Variants in VTI1A observed in about 807,000 individuals in gnomAD.
VTI1A encodes vesicle transport through interaction with t-SNAREs homolog 1A.
Under a neutral mutation model 34.9 loss-of-function variants are expected in VTI1A, and 22 were observed. That is an observed-to-expected ratio of 0.63 (90% confidence interval 0.45 to 0.90). The LOEUF (loss-of-function observed/expected upper bound fraction) is 0.90. Ranked by LOEUF, VTI1A falls within the 40% of genes least tolerant of loss-of-function variation. VTI1A has a pLI of 0.00. For missense variants in VTI1A, 268 were observed against 275.6 expected, an observed-to-expected ratio of 0.97 and a Z score of 0.20; for synonymous variants, 87 against 97.3, an observed-to-expected ratio of 0.89 and a Z score of 0.62.
At chr10:112,783,229 T>C (rs1043353777) in intron 7 of VTI1A, among the ~76,000 whole-genome samples, 1 of 152,222 alleles carries the variant, frequency 6.6e-6, no homozygotes, top group African/African-American at 2.4e-5. Flanking sequence ...TTTTCCAACA[T>C]TGATTAAGCG....
chr10:112,503,979 T>G (rs139217495), intron 3 of VTI1A, among the ~76,000 whole-genome samples: 39 of 152,278 alleles, frequency 2.6e-4, no homozygotes, highest in African/African-American at 8.2e-4. Context: ...TCCTTCTTTT[T>G]CCCTTGAGAA....
At chr10:112,535,652 A>G (rs1850592084) in intron 4 of VTI1A, among the ~76,000 whole-genome samples, 1 of 152,106 alleles carries the variant, frequency 6.6e-6, no homozygotes, top group Admixed American at 6.5e-5. Context: ...AGCTCCTCAC[A>G]CAAGTTGAGC....
At chr10:112,781,769 C>T (rs574804806) in intron 7 of VTI1A, among the ~76,000 whole-genome samples, 6 of 152,158 alleles carry the variant, frequency 3.9e-5, no homozygotes, top group South Asian at 4.2e-4. Flanking sequence ...GCAGGAGAAT[C>T]GCTTGAACCC....
chr10:112,824,695 T>C, the VTI1A span: 1 of 152,098 alleles, frequency 6.6e-6, no homozygotes, highest in Non-Finnish European at 1.5e-5. Context: ...TCATGCCGAG[T>C]TGGGCCTCGG....
chr10:112,515,499 A>G (rs1013289153), intron 3 of VTI1A, among the ~76,000 whole-genome samples: 36 of 152,122 alleles, frequency 2.4e-4, no homozygotes, highest in Admixed American at 5.9e-4. Flanking sequence ...GGTGAGGTCA[A>G]TTTACTAGTT....
intron 5 of VTI1A, among the ~76,000 whole-genome samples, chr10:112,660,688 T>C (rs1847414084): frequency 6.6e-6 from 1 of 152,312 alleles, no homozygotes; most frequent in African/African-American, 2.4e-5. Flanking sequence ...TCTTATTTTA[T>C]TTTATTAATT....
At chr10:112,661,098 A>C (rs146329222) in intron 5 of VTI1A, among the ~76,000 whole-genome samples, 23 of 152,286 alleles carry the variant, frequency 1.5e-4, no homozygotes, top group African/African-American at 5.1e-4. Context: ...CTCCCACCTC[A>C]GCCTCCCAAG....
At chr10:112,726,996 A>G (rs1381540490) in intron 7 of VTI1A, among the ~76,000 whole-genome samples, 2 of 152,194 alleles carry the variant, frequency 1.3e-5, no homozygotes, top group Non-Finnish European at 2.9e-5. Context: ...ATCTAAAAAA[A>G]TTTATAGCAA....
chr10:112,507,745 A>G (rs574101029), intron 3 of VTI1A, among the ~76,000 whole-genome samples: 23 of 152,282 alleles, frequency 1.5e-4, no homozygotes, highest in African/African-American at 5.3e-4. Flanking sequence ...ACTATAGGAA[A>G]AAGCATTGGC....
intron 5 of VTI1A, among the ~76,000 whole-genome samples, chr10:112,608,044 T>C (rs1022334717): frequency 2.6e-5 from 4 of 152,174 alleles, no homozygotes; most frequent in Admixed American, 1.3e-4. Flanking sequence ...TGATACAACG[T>C]GGGAGGGACT....
intron 5 of VTI1A, among the ~76,000 whole-genome samples, chr10:112,572,842 CA>C (rs35922968): frequency 0.87 from 114,487 of 131,880 alleles, 50,250 homozygotes; most frequent in East Asian, 0.97. Flanking sequence ...CCGTCTCAAC[CA>C]AAAAAAAAAA....
rs753582779 is a variant in VTI1A, at chr10:112,668,254, A to C, written c.464A>C (p.His155Pro). ...CAGGAGATGTTGGAAAACCTTAGTC[A>C]TGACAGAGAAAAGATACAGCGAGCA... The part of the protein sequence containing the change: ...IGQEMLENLS[H>P]DREKIQRARE... The change falls in exon 6 of 8, where the codon CAT (histidine) becomes CCT (proline). Residue 155 changes from histidine to proline, a missense_variant. Transcript: ENST00000393077. The C allele has an allele frequency of 3.1e-6, 5 of 1,612,722 alleles. No individual in the cohort carries two copies. The Admixed American group carries it at 8.3e-5, about 27-fold the overall frequency.
intron 7 of VTI1A, among the ~76,000 whole-genome samples, chr10:112,677,440 G>A (rs1044352640): frequency 3.9e-5 from 6 of 152,146 alleles, no homozygotes; most frequent in African/African-American, 1.4e-4. Flanking sequence ...TATCAACTGT[G>A]TCTTAATTTT....
intron 7 of VTI1A, among the ~76,000 whole-genome samples, chr10:112,782,393 T>TGGCGTCTTTTTC (rs1304326615): frequency 2.0e-5 from 3 of 152,272 alleles, no homozygotes; most frequent in Non-Finnish European, 4.4e-5. Flanking sequence ...GAAGGCCCTT[T>TGGCGTCTTTTTC]GGCGTCTTTT....
chr10:112,770,369 A>G (rs2134020612), intron 7 of VTI1A, among the ~76,000 whole-genome samples: 1 of 152,194 alleles, frequency 6.6e-6, no homozygotes, highest in East Asian at 1.9e-4. Context: ...CTCATGAACA[A>G]AACAGATTAA....
chr10:112,559,113 A>T (rs1851632672), intron 5 of VTI1A, among the ~76,000 whole-genome samples: 1 of 152,212 alleles, frequency 6.6e-6, no homozygotes, highest in Non-Finnish European at 1.5e-5. Flanking sequence ...CAAATAATTC[A>T]TTTAAAGGAA....
intron 5 of VTI1A, among the ~76,000 whole-genome samples, chr10:112,622,128 A>T (rs1845758265): frequency 6.6e-6 from 1 of 152,164 alleles, no homozygotes. Flanking sequence ...TAATCCTCTG[A>T]TAGAGAAACA....
chr10:112,808,334 TA>T (rs1853159634), intron 7 of VTI1A, among the ~76,000 whole-genome samples: 1 of 151,510 alleles, frequency 6.6e-6, no homozygotes, highest in South Asian at 2.1e-4. Flanking sequence ...CAGTATGATT[TA>T]AAGTAAGAGG....
chr10:112,813,995 T>TGATAAGA (rs1853416914), intron 7 of VTI1A, among the ~76,000 whole-genome samples: 2 of 152,204 alleles, frequency 1.3e-5, no homozygotes, highest in South Asian at 4.1e-4. Context: ...TGGGTTGGTC[T>TGATAAGA]GATAAGACAG....
Sources: allele counts gnomAD v4.1 joint callset (sites outside exome capture counted in the v4.1 genomes callset), GRCh38; gene constraint gnomAD v4.1.1; transcripts MANE v1.5; gene names NCBI Gene and HGNC (gene_info 2026-07-23, HGNC 2026-07-21).